The following ATP6V1G3 variants were observed in gnomAD, a reference collection of about 807,000 sequenced individuals.
ATP6V1G3 encodes the protein V-type proton ATPase subunit G 3.
ATP6V1G3 carries 9 observed loss-of-function variants against 9.3 expected under a neutral mutation model. The observed-to-expected ratio is 0.97, with a 90% CI of 0.59 to 1.69. The LOEUF is 1.69. Ranked by LOEUF, ATP6V1G3 falls within the 40% of genes most tolerant of loss-of-function variation. The pLI is 0.00. For missense variants in ATP6V1G3, 133 were observed against 139.0 expected (o/e 0.96, Z 0.22); for synonymous variants, 43 against 43.8 (o/e 0.98, Z 0.07).
At chr1:198,524,708 CT>C (rs1412823906) in intron 2 of ATP6V1G3, among the ~76,000 whole-genome samples, 1 of 152,136 alleles carries the variant, frequency 6.6e-6, no homozygotes, top group Non-Finnish European at 1.5e-5. Flanking sequence ...GAAAGTTAGC[CT>C]TTACTAAAGC....
chr1:198,538,735 C>T (rs908005946), intron 1 of ATP6V1G3, among the ~76,000 whole-genome samples: 5 of 150,556 alleles, frequency 3.3e-5, no homozygotes, highest in African/African-American at 7.4e-5. Flanking sequence ...GAAACCCCGT[C>T]TCTACAAAAA....
chr1:198,538,928 C>G (rs1660236995), intron 1 of ATP6V1G3, among the ~76,000 whole-genome samples: 1 of 147,344 alleles, frequency 6.8e-6, no homozygotes, highest in African/African-American at 2.6e-5. Context: ...AAAGAAAACC[C>G]TGAAATTTTT....
intron 2 of ATP6V1G3, among the ~76,000 whole-genome samples, chr1:198,524,267 G>A (rs1659571788): frequency 6.6e-6 from 1 of 151,990 alleles, no homozygotes; most frequent in South Asian, 2.1e-4. Context: ...TGGGACTACA[G>A]GCGTGTGCCA....
chr1:198,526,381 T>A (rs1659652340), intron 2 of ATP6V1G3, among the ~76,000 whole-genome samples: 1 of 152,158 alleles, frequency 6.6e-6, no homozygotes, highest in Admixed American at 6.6e-5. Flanking sequence ...AATGATTAGA[T>A]ATCTTGGATA....
At position 198,523,327 on chromosome 1, in the gene ATP6V1G3, G is replaced by A. The variant is rs1393749416; in HGVS notation, c.*64C>T. ...TTCAAATTTCTCAACATAAAAATAC[G>A]AAGCCATAAGCAACCAGGTGGCACT... On this transcript the variant is annotated 3_prime_UTR_variant, in exon 3 of 3. Coordinates refer to ENST00000367382, the MANE Select transcript of ATP6V1G3 (RefSeq NM_001376861.1). 1.6e-5 allele frequency: 23 copies of A among 1,476,558 alleles called. No homozygotes were observed. In the East Asian group the frequency reaches 1.9e-4, roughly 12 times the overall value. The allele number at this position is 1,476,558 out of a possible 1,614,324, so 91.5% of individuals were successfully genotyped here.
intron 1 of ATP6V1G3, among the ~76,000 whole-genome samples, chr1:198,531,618 C>G (rs1290279013): frequency 6.6e-6 from 1 of 152,064 alleles, no homozygotes; most frequent in African/African-American, 2.4e-5. Flanking sequence ...CTGACTGTCC[C>G]CAGATGCGAT....
chr1:198,537,447 A>G (rs2103144614), intron 1 of ATP6V1G3, among the ~76,000 whole-genome samples: 1 of 152,128 alleles, frequency 6.6e-6, no homozygotes, highest in Non-Finnish European at 1.5e-5. Context: ...AAAATAATAC[A>G]CTCAAGAGTC....
chr1:198,537,928 A>C (rs16843265), intron 1 of ATP6V1G3, among the ~76,000 whole-genome samples: 14,970 of 152,272 alleles, frequency 0.098, 1,036 homozygotes, highest in African/African-American at 0.19. Context: ...TAGATCGCTT[A>C]TGTGAGTAAG....
At chr1:198,524,822 G>T (rs764513841) in intron 2 of ATP6V1G3, among the ~76,000 whole-genome samples, 2 of 152,054 alleles carry the variant, frequency 1.3e-5, no homozygotes, top group Non-Finnish European at 2.9e-5. Context: ...TGCTTTTTCC[G>T]TCTGAGAGTG....
chr1:198,535,321 A>G (rs1412238850), intron 1 of ATP6V1G3, among the ~76,000 whole-genome samples: 2 of 152,164 alleles, frequency 1.3e-5, no homozygotes. Context: ...TCTTGTCTTT[A>G]TGAACAAAAA....
In ATP6V1G3 at chr1:198,523,262, T is replaced by C; in HGVS notation, c.*129A>G. ...TTTAATTCAGTGCCGATGTATGAGT[T>C]ATGTCACATTTCCTGTAAATGTAAA... On this transcript the variant is annotated 3_prime_UTR_variant, in exon 3 of 3. Transcript: ENST00000367382. 1.1e-6 allele frequency: 1 copy of C among 890,650 alleles called. No homozygotes were observed. The highest frequency in any genetic ancestry group is 1.7e-6 in the Non-Finnish European group (1 of 581,144). 55.2% of individuals were successfully genotyped at this position (890,650 alleles called of 1,614,324 possible). A position where few individuals can be genotyped will look rare whatever the true frequency, so the allele number is the denominator to read the frequency against.
Position 198,523,615 on chromosome 1 carries a change from A to C in ATP6V1G3, c.184-51T>G, listed in dbSNP as rs144825776. On this transcript the variant is annotated intron_variant, in intron 2 of 2. Transcript: ENST00000367382. ...CACATCATAATACAATTGTTTTACAAGTTAAATTTGTCCTAGCCTGTTTAC... is the reference window on the plus strand; with the variant it reads ...CACATCATAATACAATTGTTTTACACGTTAAATTTGTCCTAGCCTGTTTAC... 3.0e-3 allele frequency: 4,663 copies of C among 1,552,108 alleles called. 13 individuals carry two copies. The highest frequency in any genetic ancestry group is 5.5e-3 in the South Asian group (474 of 85,998).
chr1:198,532,145 C>T (rs1373107551), intron 1 of ATP6V1G3, among the ~76,000 whole-genome samples: 4 of 151,968 alleles, frequency 2.6e-5, no homozygotes, highest in Non-Finnish European at 4.4e-5. Context: ...CAGAGATTTG[C>T]ATATTAGTCA....
Position 198,523,506 on chromosome 1 carries a change from A to G in ATP6V1G3, c.242T>C (p.Ile81Thr), listed in dbSNP as rs1390621616. The G allele has an allele frequency of 1.2e-6, 2 of 1,613,642 alleles. No homozygotes were observed. Among genetic ancestry groups the G allele is most frequent in the East Asian group, 2.2e-5 (1 of 44,814 alleles). Residue 81 changes from isoleucine to threonine, a missense_variant, in exon 3 of 3, where the codon ATA becomes ACA. Coordinates refer to ENST00000367382, the MANE Select transcript of ATP6V1G3 (RefSeq NM_001376861.1). Reference sequence around the variant, plus strand: ...ATTGTAGTGTCCATTAAGTTCTTGTATCTTCCCTAGTGTTTGTTCTTCTAT... The same window carrying G: ...ATTGTAGTGTCCATTAAGTTCTTGTGTCTTCCCTAGTGTTTGTTCTTCTAT... ...DEIEEQTLGK[I>T]QELNGHYNKY...
intron 2 of ATP6V1G3, among the ~76,000 whole-genome samples, chr1:198,526,175 A>G (rs1310271373): frequency 6.6e-6 from 1 of 152,134 alleles, no homozygotes. Context: ...GTCATACACT[A>G]TTTTAAATGG....
At chr1:198,530,016 G>A (rs1234630093) in intron 1 of ATP6V1G3, among the ~76,000 whole-genome samples, 1 of 152,046 alleles carries the variant, frequency 6.6e-6, no homozygotes, top group African/African-American at 2.4e-5. Context: ...GGGGGTTACA[G>A]ACAAATATTA....
intron 1 of ATP6V1G3, chr1:198,536,625 T>G (rs1383386625): frequency 6.3e-6 from 9 of 1,430,364 alleles, no homozygotes; most frequent in Non-Finnish European, 8.7e-6. Flanking sequence ...CTAATAAATA[T>G]AACCTGTAAT....
chr1:198,536,611 T>G (rs1364518301), intron 1 of ATP6V1G3: 1 of 1,336,890 alleles, frequency 7.5e-7, no homozygotes, highest in African/African-American at 1.5e-5. Flanking sequence ...AGTGAGAGCT[T>G]TAACTAATAA....
intron 1 of ATP6V1G3, among the ~76,000 whole-genome samples, chr1:198,529,741 C>G (rs1417402639): frequency 6.6e-6 from 1 of 152,018 alleles, no homozygotes; most frequent in Admixed American, 6.6e-5. Flanking sequence ...GTTGACTCTA[C>G]AATGTCTGAT....
Sources: gnomAD v4.1 joint callset for allele counts (sites outside exome capture counted in the v4.1 genomes callset) on GRCh38, gnomAD v4.1.1 for gene constraint, MANE v1.5 for transcripts, NCBI Gene and HGNC (gene_info 2026-07-23, HGNC 2026-07-21) for gene names.